Variants in CDKAL1 observed in about 807,000 individuals in gnomAD.
CDKAL1 encodes the protein threonylcarbamoyladenosine tRNA methylthiotransferase.
In CDKAL1, 32 loss-of-function variants were observed where a neutral mutation model predicts 68.2. The observed-to-expected ratio is 0.47, with a 90% CI of 0.35 to 0.63. CDKAL1 has a LOEUF of 0.63. CDKAL1 is among the 30% of genes least tolerant of loss of function. The probability of loss-of-function intolerance (pLI) is 0.00; values close to 1 mark genes in which losing one functional copy is unlikely to be tolerated. For synonymous variants in CDKAL1, 234 were observed against 244.3 expected (o/e 0.96, Z 0.39); for missense variants, 606 against 696.7 (o/e 0.87, Z 1.47).
At chr6:20,602,525 G>T (rs1766147310) in intron 4 of CDKAL1, among the ~76,000 whole-genome samples, 2 of 152,066 alleles carry the variant, frequency 1.3e-5, no homozygotes, top group Non-Finnish European at 2.9e-5. Context: ...TTGGTCCTCA[G>T]GATTTTAGGC....
chr6:20,605,999 T>G (rs73732389), intron 4 of CDKAL1, among the ~76,000 whole-genome samples: 167 of 152,306 alleles, frequency 1.1e-3, no homozygotes, highest in African/African-American at 3.9e-3. Context: ...CTGGACTGAC[T>G]GCCTTGCACA....
intron 12 of CDKAL1, among the ~76,000 whole-genome samples, chr6:21,070,101 C>T (rs1771690645): frequency 6.7e-6 from 1 of 150,174 alleles, no homozygotes; most frequent in Admixed American, 6.7e-5. Flanking sequence ...TTCTCATCCT[C>T]CTCACCCCCA....
intron 4 of CDKAL1, among the ~76,000 whole-genome samples, chr6:20,640,439 G>A (rs1768118552): frequency 6.6e-6 from 1 of 152,184 alleles, no homozygotes; most frequent in African/African-American, 2.4e-5. Flanking sequence ...GCCTGCAGGG[G>A]GAAGGGCAGA....
chr6:20,776,703 C>T (rs1398194357), intron 7 of CDKAL1, among the ~76,000 whole-genome samples: 1 of 152,146 alleles, frequency 6.6e-6, no homozygotes, highest in African/African-American at 2.4e-5. Context: ...GCTAAAGCTG[C>T]ACAAGCAGTC....
At chr6:20,727,508 G>C (rs561793952) in intron 5 of CDKAL1, among the ~76,000 whole-genome samples, 28 of 152,292 alleles carry the variant, frequency 1.8e-4, no homozygotes, top group African/African-American at 6.5e-4. Flanking sequence ...GGGGTAAGTT[G>C]TGGGAAAGGG....
chr6:20,683,847 C>A (rs972361409), intron 5 of CDKAL1, among the ~76,000 whole-genome samples: 2 of 152,154 alleles, frequency 1.3e-5, no homozygotes, highest in African/African-American at 2.4e-5. Flanking sequence ...AATTTCACTG[C>A]CCTTAAAATC....
chr6:20,926,259 A>G (rs1486999798), intron 9 of CDKAL1, among the ~76,000 whole-genome samples: 2 of 152,072 alleles, frequency 1.3e-5, no homozygotes, highest in Non-Finnish European at 2.9e-5. Flanking sequence ...CTGGACACTG[A>G]CCCAGCAGGA....
At chr6:20,995,034 A>C (rs1011027801) in intron 10 of CDKAL1, among the ~76,000 whole-genome samples, 2 of 152,214 alleles carry the variant, frequency 1.3e-5, no homozygotes, top group Admixed American at 6.5e-5. Flanking sequence ...ACAGGAATAC[A>C]TTCCATCTCG....
At chr6:21,018,081 C>T (rs577917658) in intron 11 of CDKAL1, among the ~76,000 whole-genome samples, 8 of 152,168 alleles carry the variant, frequency 5.3e-5, no homozygotes, top group Non-Finnish European at 1.0e-4. Context: ...TCAGGAGGCT[C>T]TGCATTCTCT....
chr6:20,709,295 C>A (rs1457959068), intron 5 of CDKAL1, among the ~76,000 whole-genome samples: 2 of 151,996 alleles, frequency 1.3e-5, no homozygotes, highest in South Asian at 4.1e-4. Flanking sequence ...ATTTGTAATA[C>A]TGTAAGATTT....
rs996120665 is a variant in CDKAL1 at position 20,984,815 on chromosome 6, G to T, written c.910-15412G>T. On this transcript the variant is annotated intron_variant, in intron 10 of 15. Transcript: ENST00000274695. ...GGGTTTTTATGGGCACAGTAACGGG[G>T]GGGGGTGGGGAAGGCTATGGGTGGT... Among the ~76,000 whole-genome samples, 587 of 148,482 alleles carry T rather than the reference G, an allele frequency of 4.0e-3. 12 individuals carry two copies. The highest frequency in any genetic ancestry group is 0.014 in the African/African-American group (533 of 39,296).
intron 12 of CDKAL1, among the ~76,000 whole-genome samples, chr6:21,105,553 T>C (rs1773803330): frequency 6.6e-6 from 1 of 152,186 alleles, no homozygotes; most frequent in African/African-American, 2.4e-5. Context: ...CTTATTAATA[T>C]CAGGTCCAAC....
chr6:20,991,825 G>A (rs1766823418), intron 10 of CDKAL1, among the ~76,000 whole-genome samples: 2 of 150,146 alleles, frequency 1.3e-5, no homozygotes, highest in Admixed American at 1.3e-4. Flanking sequence ...AGTCTAGCCT[G>A]GGCAACATAG....
At chr6:20,634,053 G>C (rs1404975390) in intron 4 of CDKAL1, among the ~76,000 whole-genome samples, 2 of 152,072 alleles carry the variant, frequency 1.3e-5, no homozygotes, top group African/African-American at 4.8e-5. Context: ...TCTAGAATTG[G>C]TGCCGATCCT....
intron 9 of CDKAL1, among the ~76,000 whole-genome samples, chr6:20,858,213 A>G (rs181045286): frequency 6.6e-6 from 1 of 152,270 alleles, no homozygotes; most frequent in African/African-American, 2.4e-5. Context: ...AAAGATTTTG[A>G]TACTGAGCTA....
chr6:20,600,756 A>G (rs1018508078), intron 4 of CDKAL1, among the ~76,000 whole-genome samples: 9 of 142,794 alleles, frequency 6.3e-5, no homozygotes, highest in Non-Finnish European at 1.5e-5. Context: ...ATGGAGAGAG[A>G]GATATATATG....
chr6:20,995,321 G>A (rs1767043895), intron 10 of CDKAL1, among the ~76,000 whole-genome samples: 2 of 152,144 alleles, frequency 1.3e-5, no homozygotes, highest in African/African-American at 4.8e-5. Flanking sequence ...CTGGAATGAC[G>A]AGTCCTTTCC....
At chr6:21,046,321 G>A (rs1415465505) in intron 11 of CDKAL1, among the ~76,000 whole-genome samples, 1 of 152,224 alleles carries the variant, frequency 6.6e-6, no homozygotes, top group Non-Finnish European at 1.5e-5. Flanking sequence ...AAGTTTTAAA[G>A]TGTTTCTTGG....
Position 20,707,809 on chromosome 6 carries a change from G to A in CDKAL1, c.372-31710G>A, listed in dbSNP as rs147385955. On this transcript the variant is annotated intron_variant, in intron 5 of 15. Coordinates refer to ENST00000274695, the MANE Select transcript of CDKAL1 (RefSeq NM_017774.3). ...ATAAATATTTGTAAATTGAATAAAT[G>A]TTTATGCTTAAAGAAATCTTAAAGC... Among the ~76,000 whole-genome samples, 472 of 152,296 alleles carry A rather than the reference G, an allele frequency of 3.1e-3. 4 individuals are homozygous for A. Among genetic ancestry groups the A allele is most frequent in the African/African-American group, 0.011 (440 of 41,568 alleles).
Sources: allele counts gnomAD v4.1 joint callset (sites outside exome capture counted in the v4.1 genomes callset), GRCh38; gene constraint gnomAD v4.1.1; transcripts MANE v1.5; gene names NCBI Gene and HGNC (gene_info 2026-07-23, HGNC 2026-07-21).